SNTG1: variants seen among roughly 807,000 people sequenced by gnomAD.
SNTG1 encodes gamma-1-syntrophin.
SNTG1 carries 39 observed loss-of-function variants against 74.7 expected under a neutral mutation model. The observed-to-expected ratio is 0.52, with a 90% CI of 0.40 to 0.68. The LOEUF (loss-of-function observed/expected upper bound fraction) is 0.68, where lower values mean the gene tolerates loss of function less well. Among genes scored for constraint, SNTG1 ranks in the 30% least tolerant of loss-of-function variants. The probability of loss-of-function intolerance (pLI) is 0.00; values close to 1 mark genes in which losing one functional copy is unlikely to be tolerated. For missense variants in SNTG1, 685 were observed against 609.5 expected, an observed-to-expected ratio of 1.12 and a Z score of -1.30; for synonymous variants, 254 against 217.1, an observed-to-expected ratio of 1.17 and a Z score of -1.49.
At chr8:50,725,314 T>A (rs1054534151) in intron 17 of SNTG1, among the ~76,000 whole-genome samples, 3 of 152,200 alleles carry the variant, frequency 2.0e-5, no homozygotes, top group African/African-American at 7.2e-5. Context: ...TGCAATTGCA[T>A]ACTTCTTATC....
At chr8:50,048,232 T>C (rs1345608614) in intron 1 of SNTG1, among the ~76,000 whole-genome samples, 1 of 152,138 alleles carries the variant, frequency 6.6e-6, no homozygotes, top group African/African-American at 2.4e-5. Flanking sequence ...AAGTGGGTTT[T>C]AAAAATATTG....
intron 1 of SNTG1, among the ~76,000 whole-genome samples, chr8:50,069,010 A>G (rs1030572511): frequency 1.3e-5 from 2 of 152,206 alleles, no homozygotes; most frequent in African/African-American, 4.8e-5. Context: ...ATCATATCTT[A>G]TTTATGATTT....
At chr8:49,971,817 A>G (rs1220760950) in intron 1 of SNTG1, among the ~76,000 whole-genome samples, 1 of 152,210 alleles carries the variant, frequency 6.6e-6, no homozygotes, top group African/African-American at 2.4e-5. Context: ...AGGGAAGTGA[A>G]GGACCTCTTC....
intron 1 of SNTG1, among the ~76,000 whole-genome samples, chr8:49,976,331 T>C (rs16914125): frequency 0.022 from 3,414 of 152,310 alleles, 124 homozygotes; most frequent in African/African-American, 0.076. Context: ...ACAGAAAGGA[T>C]TGGATGGCAA....
intron 2 of SNTG1, among the ~76,000 whole-genome samples, chr8:50,371,305 A>C (rs540632102): frequency 1.3e-5 from 2 of 152,304 alleles, no homozygotes; most frequent in African/African-American, 4.8e-5. Flanking sequence ...GTACTCCATC[A>C]TCCAATAAAT....
At chr8:50,099,039 C>T (rs1407083366) in intron 1 of SNTG1, among the ~76,000 whole-genome samples, 2 of 152,114 alleles carry the variant, frequency 1.3e-5, no homozygotes, top group East Asian at 3.9e-4. Context: ...AGGTTTTATA[C>T]TGAAATTTAA....
intron 13 of SNTG1, among the ~76,000 whole-genome samples, chr8:50,642,770 A>G (rs1386982096): frequency 6.6e-6 from 1 of 151,996 alleles, no homozygotes; most frequent in Non-Finnish European, 1.5e-5. Flanking sequence ...TTATTTATTT[A>G]TGGTTCCCCC....
At chr8:49,959,395 G>A (rs1231629918) in intron 1 of SNTG1, among the ~76,000 whole-genome samples, 1 of 152,192 alleles carries the variant, frequency 6.6e-6, no homozygotes, top group African/African-American at 2.4e-5. Context: ...CACACTCATT[G>A]GCCCTTGACT....
intron 12 of SNTG1, among the ~76,000 whole-genome samples, chr8:50,580,960 A>G (rs540729954): frequency 2.3e-4 from 35 of 152,186 alleles, no homozygotes; most frequent in Non-Finnish European, 4.1e-4. Flanking sequence ...CACATGGGCC[A>G]GGATGTGGAA....
At chr8:50,366,182 A>G (rs1324458663) in intron 2 of SNTG1, among the ~76,000 whole-genome samples, 1 of 152,156 alleles carries the variant, frequency 6.6e-6, no homozygotes, top group Non-Finnish European at 1.5e-5. Context: ...GCACAACTAT[A>G]ACATTGCCAA....
At chr8:50,646,399 T>C (rs116143092) in intron 13 of SNTG1, among the ~76,000 whole-genome samples, 3,373 of 152,294 alleles carry the variant, frequency 0.022, 46 homozygotes, top group Middle Eastern at 0.041. Context: ...GGTTCTCAAA[T>C]GATGCTGATG....
chr8:50,510,652 A>C (rs2094061872), intron 9 of SNTG1, among the ~76,000 whole-genome samples: 2 of 152,122 alleles, frequency 1.3e-5, no homozygotes, highest in African/African-American at 4.8e-5. Flanking sequence ...GGGAGGGTGT[A>C]TATGTCGAGG....
intron 11 of SNTG1, among the ~76,000 whole-genome samples, chr8:50,538,138 A>C (rs1008717737): frequency 6.6e-6 from 1 of 152,146 alleles, no homozygotes; most frequent in African/African-American, 2.4e-5. Context: ...GTCTACTGGT[A>C]ACGTTTTACC....
chr8:50,176,038 G>C (rs1462651662), intron 2 of SNTG1, among the ~76,000 whole-genome samples: 1 of 152,180 alleles, frequency 6.6e-6, no homozygotes, highest in Non-Finnish European at 1.5e-5. Flanking sequence ...TGCCTGGCTA[G>C]AGGCGGCCCC....
At chr8:50,152,592 G>T (rs529391102) in intron 1 of SNTG1, among the ~76,000 whole-genome samples, 12 of 152,178 alleles carry the variant, frequency 7.9e-5, no homozygotes, top group Admixed American at 2.6e-4. Flanking sequence ...GCTCTTTTAG[G>T]GCAGGCCTGG....
At chr8:50,237,956 A>C (rs2085990269) in intron 2 of SNTG1, among the ~76,000 whole-genome samples, 1 of 152,120 alleles carries the variant, frequency 6.6e-6, no homozygotes, top group African/African-American at 2.4e-5. Context: ...CTATTACTAG[A>C]ATGATACAAC....
chr8:50,038,338 C>G (rs1218092006), intron 1 of SNTG1, among the ~76,000 whole-genome samples: 2 of 152,122 alleles, frequency 1.3e-5, no homozygotes, highest in Non-Finnish European at 2.9e-5. Flanking sequence ...CTGTAGTTCT[C>G]TTAGTGCAAT....
chr8:50,220,933 A>T (rs995547793), intron 2 of SNTG1, among the ~76,000 whole-genome samples: 2 of 152,204 alleles, frequency 1.3e-5, no homozygotes, highest in Non-Finnish European at 2.9e-5. Context: ...CCCATGAGTG[A>T]ATTCACCTTA....
intron 1 of SNTG1, among the ~76,000 whole-genome samples, chr8:50,000,248 A>G (rs369562196): frequency 1.3e-5 from 2 of 152,086 alleles, no homozygotes; most frequent in South Asian, 4.1e-4. Flanking sequence ...TTTAATATCC[A>G]TAGCAAAGAC....
Sources: allele counts gnomAD v4.1 joint callset (sites outside exome capture counted in the v4.1 genomes callset), GRCh38; gene constraint gnomAD v4.1.1; transcripts MANE v1.5; gene names NCBI Gene and HGNC (gene_info 2026-07-23, HGNC 2026-07-21).